AAK1: variants seen among roughly 807,000 people sequenced by gnomAD.
The protein encoded by AAK1 is AP2 associated kinase 1, also known as AP2-associated protein kinase 1.
Under a neutral mutation model 116.0 loss-of-function variants are expected in AAK1, and 37 were observed. The ratio of observed to expected loss-of-function variants is 0.32; its 90% CI spans 0.25 to 0.42. The LOEUF (loss-of-function observed/expected upper bound fraction) is 0.42, where lower values mean the gene tolerates loss of function less well. Among genes scored for constraint, AAK1 ranks in the 10% least tolerant of loss-of-function variants. The pLI is 1.00. For missense variants in AAK1, 919 were observed against 1,170.6 expected, an observed-to-expected ratio of 0.79 and a Z score of 3.14; for synonymous variants, 458 against 439.9, an observed-to-expected ratio of 1.04 and a Z score of -0.51.
At position 69,473,419 on chromosome 2, in the gene AAK1, G is replaced by A; in HGVS notation, c.*2450C>T. 1.0e-6 allele frequency: 1 copy of A among 985,410 alleles called. No homozygotes were observed. The highest frequency in any genetic ancestry group is 1.2e-6 in the Non-Finnish European group (1 of 829,934). 61.0% of individuals were successfully genotyped at this position (985,410 alleles called of 1,614,324 possible). A position where few individuals can be genotyped will look rare whatever the true frequency, so the allele number is the denominator to read the frequency against. On this transcript the variant is annotated 3_prime_UTR_variant, in exon 22 of 22. Coordinates refer to ENST00000409085, the MANE Select transcript of AAK1 (RefSeq NM_014911.5). Reference sequence around the variant, plus strand: ...ACCAAGGAAGGCTCCGTTTACCAAAGCACTCATATGTGTTCCTTAACAGAA... The same window carrying A: ...ACCAAGGAAGGCTCCGTTTACCAAAACACTCATATGTGTTCCTTAACAGAA...
chr2:69,635,836 A>T (rs965697834), intron 2 of AAK1, among the ~76,000 whole-genome samples: 1 of 152,224 alleles, frequency 6.6e-6, no homozygotes, highest in African/African-American at 2.4e-5. Flanking sequence ...GTTTTACAAG[A>T]TGAAAAGAGT....
intron 16 of AAK1, among the ~76,000 whole-genome samples, chr2:69,505,123 G>GCA (rs1558917282): frequency 2.7e-5 from 3 of 112,118 alleles, no homozygotes; most frequent in East Asian, 3.7e-4. Context: ...GCGTGCGTGT[G>GCA]CGCACACACA....
At chr2:69,583,932 T>A (rs763334372) in intron 2 of AAK1, among the ~76,000 whole-genome samples, 1 of 152,142 alleles carries the variant, frequency 6.6e-6, no homozygotes, top group Non-Finnish European at 1.5e-5. Flanking sequence ...GGAAAAAAAA[T>A]GTCTTAGTTG....
Position 69,470,260 on chromosome 2 carries a change from GC to G in AAK1, c.*5608del. On this transcript the variant is annotated 3_prime_UTR_variant, in exon 22 of 22. Transcript: ENST00000409085. The stretch of plus-strand genomic sequence containing the variant: ...CGAAGACTTGGAGCATTGAGAAGAA[GC>G]CTTCTCACATATAGTTAGTAAACAG... 4 of 985,400 alleles carry G rather than the reference GC, an allele frequency of 4.1e-6. No homozygotes were observed. Among genetic ancestry groups the G allele is most frequent in the Non-Finnish European group, 4.8e-6 (4 of 829,918 alleles). The allele number at this position is 985,400 out of a possible 1,614,324, so 61.0% of individuals were successfully genotyped here.
chr2:69,590,252 C>T (rs1220465499), intron 2 of AAK1, among the ~76,000 whole-genome samples: 1 of 152,198 alleles, frequency 6.6e-6, no homozygotes, highest in African/African-American at 2.4e-5. Context: ...GAAAAAGAGG[C>T]CGACTGGAAC....
chr2:69,608,268 C>T (rs1172406653), intron 2 of AAK1, among the ~76,000 whole-genome samples: 1 of 152,230 alleles, frequency 6.6e-6, no homozygotes, highest in African/African-American at 2.4e-5. Context: ...GACATTCACC[C>T]ACCCAGCTCC....
At position 69,466,229 on chromosome 2, in the gene AAK1, A is replaced by G; in HGVS notation, c.*9640T>C. 7.8e-7 allele frequency: 1 copy of G among 1,289,704 alleles called. No individual in the cohort carries two copies. The highest frequency in any genetic ancestry group is 1.0e-6 in the Non-Finnish European group (1 of 988,844). The allele number at this position is 1,289,704 out of a possible 1,614,324, so 79.9% of individuals were successfully genotyped here. On this transcript the variant is annotated 3_prime_UTR_variant, in exon 22 of 22. Transcript: ENST00000409085. ...CTTGCTCAGGAGAGACTTCTGGTGG[A>G]GCGAATGGAACGGCTCCTCCCAGCT...
At position 69,593,552 on chromosome 2, in the gene AAK1, T is replaced by A. The variant is rs78338987; in HGVS notation, c.164-36574A>T. On this transcript the variant is annotated intron_variant, in intron 2 of 21. Transcript: ENST00000409085. ...TCTTATTATATACTATCTTTATACATAGAAAAGGGCTGAAGAGCTAAATAC... is the reference window on the plus strand; with the variant it reads ...TCTTATTATATACTATCTTTATACAAAGAAAAGGGCTGAAGAGCTAAATAC... 3.4e-3 allele frequency among the ~76,000 whole-genome samples: 514 copies of A among 152,022 alleles called. 24 individuals carry two copies. The East Asian group carries it at 0.083, about 24-fold the overall frequency.
At position 69,469,583 on chromosome 2, in the gene AAK1, T is replaced by C; in HGVS notation, c.*6286A>G. ...TCCTTTGGTAACCAATGGCACGTCA[T>C]AGCAGATACCCTGTGGCCATAGAGC... On this transcript the variant is annotated 3_prime_UTR_variant, in exon 22 of 22. Transcript: ENST00000409085. 1 of 985,444 alleles carries C rather than the reference T, an allele frequency of 1.0e-6. No homozygotes were observed. Among genetic ancestry groups the C allele is most frequent in the Non-Finnish European group, 1.2e-6 (1 of 829,932 alleles). 61.0% of individuals were successfully genotyped at this position (985,444 alleles called of 1,614,324 possible). A position where few individuals can be genotyped will look rare whatever the true frequency, so the allele number is the denominator to read the frequency against.
intron 1 of AAK1, 118 bp from the exon 2 acceptor site, chr2:69,643,392 G>C: frequency 8.5e-7 from 1 of 1,179,960 alleles, no homozygotes; most frequent in Admixed American, 4.1e-5. Context: ...GTATTTTCCC[G>C]GCGAGAAAAA....
intron 2 of AAK1, among the ~76,000 whole-genome samples, chr2:69,634,811 C>G (rs976998574): frequency 2.6e-5 from 4 of 151,600 alleles, no homozygotes; most frequent in Non-Finnish European, 5.9e-5. Flanking sequence ...TACCTATGTT[C>G]TAGTTTTCTC....
intron 17 of AAK1, among the ~76,000 whole-genome samples, chr2:69,485,958 C>CT (rs35387178): frequency 0.039 from 5,684 of 144,480 alleles, 294 homozygotes; most frequent in East Asian, 0.19. Flanking sequence ...TGAGCCTGGC[C>CT]TTTTTTTTTT....
chr2:69,582,461 G>A (rs1397381030), intron 2 of AAK1, among the ~76,000 whole-genome samples: 2 of 152,182 alleles, frequency 1.3e-5, no homozygotes, highest in African/African-American at 2.4e-5. Flanking sequence ...AACCCTACCA[G>A]TGGTTTCGGG....
Position 69,505,625 on chromosome 2 carries a change from C to G in AAK1, c.2213G>C (p.Gly738Ala). The G allele has an allele frequency of 2.5e-6, 4 of 1,613,740 alleles. No individual in the cohort carries two copies. The highest frequency in any genetic ancestry group is 3.4e-6 in the Non-Finnish European group (4 of 1,179,780). ...AGCATCACCTTGGGTTGATTGAAAGCCTGGGATCAAACTCTCAGCTGAGCC... is the reference window on the plus strand; with the variant it reads ...AGCATCACCTTGGGTTGATTGAAAGGCTGGGATCAAACTCTCAGCTGAGCC... Reference protein sequence around the residue: ...LGGSAESLIPGFQSTQGDAFA... With the variant: ...LGGSAESLIPAFQSTQGDAFA... Residue 738 changes from glycine (G) to alanine (A), a missense_variant, in exon 16 of 22, where the codon GGC (glycine) becomes GCC (alanine). This residue lies in a region of AAK1 where 263 missense variants were observed against 285.5 expected (regional missense o/e 0.92). Coordinates refer to ENST00000409085, the MANE Select transcript of AAK1 (RefSeq NM_014911.5).
At chr2:69,582,118 T>C (rs1672571673) in intron 2 of AAK1, among the ~76,000 whole-genome samples, 2 of 152,208 alleles carry the variant, frequency 1.3e-5, no homozygotes, top group South Asian at 4.1e-4. Context: ...ATGTATTACA[T>C]CACTGATAAA....
At chr2:69,526,458 A>G (rs1670028636) in intron 9 of AAK1, among the ~76,000 whole-genome samples, 1 of 152,162 alleles carries the variant, frequency 6.6e-6, no homozygotes, top group Non-Finnish European at 1.5e-5. Flanking sequence ...ATAAATCACA[A>G]TATGACATGA....
chr2:69,628,761 C>T (rs998870160), intron 2 of AAK1, among the ~76,000 whole-genome samples: 1 of 152,132 alleles, frequency 6.6e-6, no homozygotes, highest in Non-Finnish European at 1.5e-5. Flanking sequence ...TAACTTTTTT[C>T]AAGGAAATTC....
At chr2:69,538,955 C>T (rs1228863978) in intron 5 of AAK1, among the ~76,000 whole-genome samples, 3 of 152,146 alleles carry the variant, frequency 2.0e-5, no homozygotes, top group Non-Finnish European at 2.9e-5. Context: ...CTAAAAGGAT[C>T]CTCTGTGTCC....
chr2:69,540,628 A>C (rs1670670299), intron 5 of AAK1, among the ~76,000 whole-genome samples: 1 of 152,244 alleles, frequency 6.6e-6, no homozygotes, highest in Non-Finnish European at 1.5e-5. Flanking sequence ...GATGTGGAGA[A>C]ACTGGAACCT....
Sources: allele counts gnomAD v4.1 joint callset (sites outside exome capture counted in the v4.1 genomes callset), GRCh38; gene constraint gnomAD v4.1.1; regional missense constraint gnomAD v4.1.1; transcripts MANE v1.5; gene names NCBI Gene and HGNC (gene_info 2026-07-23, HGNC 2026-07-21).